The following NOS1AP variants were observed in gnomAD, a reference collection of about 807,000 sequenced individuals.
The protein encoded by NOS1AP is nitric oxide synthase 1 adaptor protein.
A neutral mutation model predicts 56.2 loss-of-function variants in NOS1AP; 21 were observed. That is an observed-to-expected ratio of 0.37 (90% CI 0.26 to 0.54). NOS1AP has a LOEUF of 0.54. NOS1AP is among the 20% of genes least tolerant of loss of function. NOS1AP has a pLI of 0.84. For missense variants in NOS1AP, 522 were observed against 657.8 expected (o/e 0.79, Z 2.26); for synonymous variants, 270 against 274.6 (o/e 0.98, Z 0.17).
intron 1 of NOS1AP, among the ~76,000 whole-genome samples, chr1:162,078,727 A>G (rs1210315192): frequency 1.3e-5 from 2 of 152,204 alleles, no homozygotes; most frequent in Non-Finnish European, 2.9e-5. Context: ...AATTCTTAGT[A>G]TGATATTCAA....
At chr1:162,156,469 G>A (rs1649979970) in intron 2 of NOS1AP, among the ~76,000 whole-genome samples, 1 of 152,102 alleles carries the variant, frequency 6.6e-6, no homozygotes, top group Non-Finnish European at 1.5e-5. Flanking sequence ...AAGCACAGAG[G>A]CCTCGGCTGG....
chr1:162,134,890 A>G lies in NOS1AP; in HGVS notation c.106-19515A>G, dbSNP rs117921774. Among the ~76,000 whole-genome samples, 60 of 152,296 alleles carry G rather than the reference A, an allele frequency of 3.9e-4. No homozygotes were observed. The East Asian group carries it at 0.011, about 27-fold the overall frequency. Reference sequence around the variant, plus strand: ...GCCTTCATGACCTGACCCTGCCTGCATGTTCAGCCTTATCTCATCTGGCAG... The same window carrying G: ...GCCTTCATGACCTGACCCTGCCTGCGTGTTCAGCCTTATCTCATCTGGCAG... On this transcript the variant is annotated intron_variant, in intron 1 of 9. Coordinates refer to ENST00000361897, the MANE Select transcript of NOS1AP (RefSeq NM_014697.3).
At chr1:162,171,714 C>T (rs571079152) in intron 2 of NOS1AP, among the ~76,000 whole-genome samples, 4 of 152,234 alleles carry the variant, frequency 2.6e-5, no homozygotes, top group African/African-American at 7.2e-5. Context: ...TTTCTGAACT[C>T]ATCTCCTCTC....
At chr1:162,300,532 G>C (rs1655615185) in intron 3 of NOS1AP, 101 bp from the exon 4 acceptor site, 1 of 1,039,460 alleles carries the variant, frequency 9.6e-7, no homozygotes, top group Non-Finnish European at 1.5e-6. Context: ...GAGGGAAAAA[G>C]TCAGGTCAGG....
At chr1:162,163,702 C>T (rs557010716) in intron 2 of NOS1AP, among the ~76,000 whole-genome samples, 3 of 152,110 alleles carry the variant, frequency 2.0e-5, no homozygotes, top group Admixed American at 6.5e-5. Flanking sequence ...GAATGGGCTT[C>T]GCAGGTTCAA....
intron 1 of NOS1AP, among the ~76,000 whole-genome samples, chr1:162,117,806 T>C (rs571003664): frequency 6.6e-5 from 10 of 152,274 alleles, no homozygotes; most frequent in South Asian, 6.2e-4. Context: ...CAGGAAAAGG[T>C]GCCTAGCCCA....
Position 162,134,485 on chromosome 1 carries a change from T to TTA in NOS1AP, c.106-19920_106-19919insTA, listed in dbSNP as rs1553258136. On this transcript the variant is annotated intron_variant, in intron 1 of 9. Transcript: ENST00000361897. Reference sequence around the variant, plus strand: ...TGGAGTGACAGAGGGAGACTTTGTCTAAAAAAAAAAAAAAAAAAAAGTAAA... The same window carrying TTA: ...TGGAGTGACAGAGGGAGACTTTGTCTTAAAAAAAAAAAAAAAAAAAAAGTAAA... Among the ~76,000 whole-genome samples, 361 of 92,672 alleles carry TTA rather than the reference T, an allele frequency of 3.9e-3. 13 individuals are homozygous for TTA. The highest frequency in any genetic ancestry group is 6.8e-3 in the East Asian group (26 of 3,828). The allele number at this position is 92,672 out of a possible 152,430, so 60.8% of individuals were successfully genotyped here. A position where few individuals can be genotyped will look rare whatever the true frequency, so the allele number is the denominator to read the frequency against.
chr1:162,178,092 C>G (rs1361285672), intron 2 of NOS1AP, among the ~76,000 whole-genome samples: 1 of 152,222 alleles, frequency 6.6e-6, no homozygotes, highest in African/African-American at 2.4e-5. Flanking sequence ...TGGAATCATA[C>G]AGTAGGTATG....
At chr1:162,146,116 T>C (rs910072681) in intron 1 of NOS1AP, among the ~76,000 whole-genome samples, 1 of 152,136 alleles carries the variant, frequency 6.6e-6, no homozygotes, top group African/African-American at 2.4e-5. Context: ...GCAGGGACCT[T>C]TACGTTATGC....
rs979872881 is a variant in NOS1AP, at chr1:162,101,752, G to C, written c.105+31470G>C. Among the ~76,000 whole-genome samples, 6 of 151,978 alleles carry C rather than the reference G, an allele frequency of 3.9e-5. 1 individual carries two copies. The highest frequency in any genetic ancestry group is 7.4e-5 in the Non-Finnish European group (5 of 68,002). Reference sequence around the variant, plus strand: ...TTTGGCTCTCTGCTTGCCTGTTGTTGGTGAATAGGAATGCTAGCAATTTTT... The same window carrying C: ...TTTGGCTCTCTGCTTGCCTGTTGTTCGTGAATAGGAATGCTAGCAATTTTT... On this transcript the variant is annotated intron_variant, in intron 1 of 9. Transcript: ENST00000361897.
chr1:162,166,508 A>G (rs1650505670), intron 2 of NOS1AP, among the ~76,000 whole-genome samples: 1 of 152,170 alleles, frequency 6.6e-6, no homozygotes, highest in South Asian at 2.1e-4. Flanking sequence ...ACTTCTGCTT[A>G]TCTTCCAGAG....
chr1:162,140,118 C>T (rs559895511), intron 1 of NOS1AP, among the ~76,000 whole-genome samples: 56 of 152,274 alleles, frequency 3.7e-4, no homozygotes, highest in East Asian at 1.7e-3. Flanking sequence ...TGTGAGCCAC[C>T]GCACCCGGCC....
chr1:162,251,858 TTTTTTTTTTTG>T (rs973194630), intron 2 of NOS1AP, among the ~76,000 whole-genome samples: 5 of 40,594 alleles, frequency 1.2e-4, no homozygotes, highest in East Asian at 5.8e-4. Flanking sequence ...TAGCTAGTTG[TTTTTTTTTTTG>T]TTTTTTTTTT....
chr1:162,204,278 T>C (rs1469429087), intron 2 of NOS1AP, among the ~76,000 whole-genome samples: 1 of 152,234 alleles, frequency 6.6e-6, no homozygotes, highest in African/African-American at 2.4e-5. Context: ...CTCACTTGCC[T>C]TTGGGCCTTC....
intron 2 of NOS1AP, among the ~76,000 whole-genome samples, chr1:162,203,446 A>G (rs1188385866): frequency 6.6e-6 from 1 of 152,206 alleles, no homozygotes; most frequent in Non-Finnish European, 1.5e-5. Context: ...CACATCTACA[A>G]AGTATCTACT....
At chr1:162,070,370 A>G (rs1487515002) in intron 1 of NOS1AP, 88 bp downstream of exon 1, 1 of 1,160,880 alleles carries the variant, frequency 8.6e-7, no homozygotes, top group Non-Finnish European at 1.3e-6. Context: ...TCCTGGACCC[A>G]GAGCTGGCGG....
At position 162,113,189 on chromosome 1, in the gene NOS1AP, C is replaced by T. The variant is rs577678046; in HGVS notation, c.106-41216C>T. Among the ~76,000 whole-genome samples the T allele has an allele frequency of 2.2e-3, 330 of 152,240 alleles. 2 individuals are homozygous for T. Among genetic ancestry groups the T allele is most frequent in the African/African-American group, 7.7e-3 (322 of 41,556 alleles). On this transcript the variant is annotated intron_variant, in intron 1 of 9. Coordinates refer to ENST00000361897, the MANE Select transcript of NOS1AP (RefSeq NM_014697.3). ...AGCCTACACCTCTTCTCCTGATAAT[C>T]CTGGCAGGAGGTGGAGCATGAGTCT...
intron 2 of NOS1AP, among the ~76,000 whole-genome samples, chr1:162,197,929 T>C (rs755760261): frequency 6.6e-6 from 1 of 152,230 alleles, no homozygotes; most frequent in Non-Finnish European, 1.5e-5. Context: ...GAGAGAGCTT[T>C]GCAGCACATG....
At chr1:162,145,445 T>C (rs1649422071) in intron 1 of NOS1AP, among the ~76,000 whole-genome samples, 1 of 152,004 alleles carries the variant, frequency 6.6e-6, no homozygotes, top group South Asian at 2.1e-4. Flanking sequence ...CTCTTTTTCC[T>C]CCCCTCCCCC....
Sources: gnomAD v4.1 joint callset for allele counts (sites outside exome capture counted in the v4.1 genomes callset) on GRCh38, gnomAD v4.1.1 for gene constraint, MANE v1.5 for transcripts, NCBI Gene and HGNC (gene_info 2026-07-23, HGNC 2026-07-21) for gene names.